CDK8: variants seen among roughly 807,000 people sequenced by gnomAD.
The protein encoded by CDK8 is cyclin-dependent kinase 8.
In CDK8, 29 loss-of-function variants were observed where a neutral mutation model predicts 71.5. That is an observed-to-expected ratio of 0.41 (90% CI 0.30 to 0.55). CDK8 has a LOEUF of 0.55. Among genes scored for constraint, CDK8 ranks in the 20% least tolerant of loss-of-function variants. CDK8 has a pLI of 0.37. For missense variants in CDK8, 288 were observed against 572.6 expected (o/e 0.50, Z 5.07); for synonymous variants, 161 against 192.1 (o/e 0.84, Z 1.34).
At chr13:26,336,550 CTTT>C (rs1227344754) in intron 1 of CDK8, among the ~76,000 whole-genome samples, 15 of 121,200 alleles carry the variant, frequency 1.2e-4, no homozygotes, top group African/African-American at 4.2e-4. Context: ...TCTGAGGAGT[CTTT>C]TTTTTTTTTT....
At position 26,254,577 on chromosome 13, in the gene CDK8, TC is replaced by T; in HGVS notation, c.-61del. ...CCCGGGGGCTGCGGCTGCCCGTGCT[TC>T]CCCGGTCCCCACCCCTGCCCCCCGG... On this transcript the variant is annotated 5_prime_UTR_variant, in exon 1 of 13. Coordinates refer to ENST00000381527, the MANE Select transcript of CDK8 (RefSeq NM_001260.3). The surrounding 1 kb of genome is among the most constrained non-coding windows in gnomAD (Gnocchi z 6.7). 7.2e-7 allele frequency: 1 copy of T among 1,384,866 alleles called. No individual in the cohort carries two copies. The allele number at this position is 1,384,866 out of a possible 1,614,324, so 85.8% of individuals were successfully genotyped here.
Position 26,270,386 on chromosome 13 carries a change from T to C in CDK8, c.128+15617T>C, listed in dbSNP as rs1872250306. ...CCTGGGCAACAAGAGCGAAACTCTGTCTCAAAAAAAAAAAAAAATACACAC... is the reference window on the plus strand; with the variant it reads ...CCTGGGCAACAAGAGCGAAACTCTGCCTCAAAAAAAAAAAAAAATACACAC... On this transcript the variant is annotated intron_variant, in intron 1 of 12. Coordinates refer to ENST00000381527, the MANE Select transcript of CDK8 (RefSeq NM_001260.3). Among the ~76,000 whole-genome samples the C allele has an allele frequency of 2.8e-5, 4 of 143,300 alleles. No homozygotes were observed. The South Asian group carries it at 8.5e-4, about 30-fold the overall frequency. 94.0% of individuals were successfully genotyped at this position (143,300 alleles called of 152,430 possible).
intron 4 of CDK8, among the ~76,000 whole-genome samples, chr13:26,369,355 T>G (rs1874541618): frequency 7.2e-6 from 1 of 138,340 alleles, no homozygotes; most frequent in South Asian, 2.3e-4. Context: ...GAGGCTGAAG[T>G]GGGAGGATCG....
At chr13:26,289,302 C>G (rs1213448453) in intron 1 of CDK8, among the ~76,000 whole-genome samples, 1 of 152,100 alleles carries the variant, frequency 6.6e-6, no homozygotes, top group African/African-American at 2.4e-5. Context: ...AACCGCCTGC[C>G]TTGGCCTCCC....
intron 1 of CDK8, among the ~76,000 whole-genome samples, chr13:26,313,007 A>G (rs1874358482): frequency 6.6e-6 from 1 of 152,116 alleles, no homozygotes; most frequent in African/African-American, 2.4e-5. Context: ...TGTTATATCA[A>G]GCTCATTTTC....
intron 1 of CDK8, among the ~76,000 whole-genome samples, chr13:26,328,352 C>T (rs1875121912): frequency 6.6e-6 from 1 of 152,120 alleles, no homozygotes; most frequent in Admixed American, 6.5e-5. Context: ...TGTCTTTTTC[C>T]ATGAAAGAAG....
chr13:26,299,762 T>G (rs911040939), intron 1 of CDK8, among the ~76,000 whole-genome samples: 1 of 152,164 alleles, frequency 6.6e-6, no homozygotes. Context: ...TAGAGGAGTT[T>G]CTGGTAAGTC....
At chr13:26,334,394 C>T (rs532814535) in intron 1 of CDK8, among the ~76,000 whole-genome samples, 1 of 151,950 alleles carries the variant, frequency 6.6e-6, no homozygotes, top group East Asian at 1.9e-4. Context: ...AATCAATAAC[C>T]CTGCCCATGA....
chr13:26,384,044 C>T (rs1335830922), intron 5 of CDK8, among the ~76,000 whole-genome samples: 1 of 152,216 alleles, frequency 6.6e-6, no homozygotes, highest in Non-Finnish European at 1.5e-5. Context: ...CAAAAGTGTT[C>T]TTTACTGTAT....
intron 1 of CDK8, among the ~76,000 whole-genome samples, chr13:26,284,078 A>C (rs1872888636): frequency 6.6e-6 from 1 of 152,198 alleles, no homozygotes; most frequent in South Asian, 2.1e-4. Flanking sequence ...GAAATTAAAA[A>C]ATTCTTGCAA....
At chr13:26,291,744 T>C (rs1873315895) in intron 1 of CDK8, among the ~76,000 whole-genome samples, 2 of 152,226 alleles carry the variant, frequency 1.3e-5, no homozygotes, top group Non-Finnish European at 2.9e-5. Flanking sequence ...TTCTGTTACA[T>C]AGTTTTCCCC....
At chr13:26,289,995 G>T (rs1248660036) in intron 1 of CDK8, among the ~76,000 whole-genome samples, 4 of 152,056 alleles carry the variant, frequency 2.6e-5, no homozygotes, top group African/African-American at 7.2e-5. Context: ...TTTGCATTTA[G>T]ATCAGAAGTC....
At chr13:26,382,080 A>C (rs1029470428) in intron 4 of CDK8, among the ~76,000 whole-genome samples, 1 of 151,996 alleles carries the variant, frequency 6.6e-6, no homozygotes, top group East Asian at 1.9e-4. Context: ...CTCTCCCCTC[A>C]TCCCCTCCTT....
chr13:26,380,269 T>C (rs1875155621), intron 4 of CDK8, among the ~76,000 whole-genome samples: 1 of 152,156 alleles, frequency 6.6e-6, no homozygotes, highest in Admixed American at 6.5e-5. Flanking sequence ...AACCTCCGCC[T>C]CCCAGGTTCA....
intron 8 of CDK8, 96 bp from the exon 9 acceptor site, chr13:26,397,057 C>T (rs796435814): frequency 4.5e-5 from 32 of 708,380 alleles, no homozygotes; most frequent in Admixed American, 1.8e-4. Flanking sequence ...TATTTTATAT[C>T]GGTTATGATC....
chr13:26,380,641 T>TAA (rs536266544), intron 4 of CDK8, among the ~76,000 whole-genome samples: 1 of 149,638 alleles, frequency 6.7e-6, no homozygotes, highest in Admixed American at 6.6e-5. Flanking sequence ...CTGGCTGATT[T>TAA]AAAAAAAAAA....
chr13:26,264,412 A>G (rs1161989189), intron 1 of CDK8, among the ~76,000 whole-genome samples: 1 of 152,052 alleles, frequency 6.6e-6, no homozygotes, highest in Non-Finnish European at 1.5e-5. Context: ...TAGCCTCCCA[A>G]GTGGGTGGGA....
intron 1 of CDK8, among the ~76,000 whole-genome samples, chr13:26,319,006 CTT>C (rs1413016166): frequency 6.6e-6 from 1 of 152,064 alleles, no homozygotes; most frequent in Non-Finnish European, 1.5e-5. Flanking sequence ...ATTATATAAT[CTT>C]ATATATAGAA....
chr13:26,264,264 TC>T (rs1281297981), intron 1 of CDK8, among the ~76,000 whole-genome samples: 1 of 145,252 alleles, frequency 6.9e-6, no homozygotes, highest in Non-Finnish European at 1.5e-5. Flanking sequence ...TAGCTGCCGT[TC>T]TTTTTTTTCT....
Sources: gnomAD v4.1 joint callset for allele counts (sites outside exome capture counted in the v4.1 genomes callset) on GRCh38, gnomAD v4.1.1 for gene constraint, Gnocchi (gnomAD v3.1) non-coding constraint, MANE v1.5 for transcripts, NCBI Gene and HGNC (gene_info 2026-07-23, HGNC 2026-07-21) for gene names.